Variants in TSC1 observed in about 807,000 individuals in gnomAD.
The protein encoded by TSC1 is hamartin.
A neutral mutation model predicts 124.3 loss-of-function variants in TSC1; 20 were observed. That is an observed-to-expected ratio of 0.16 (90% CI 0.11 to 0.23). The LOEUF (loss-of-function observed/expected upper bound fraction) is 0.23. Ranked by LOEUF, TSC1 falls within the 10% of genes least tolerant of loss-of-function variation. TSC1 has a pLI of 1.00. For synonymous variants in TSC1, 493 were observed against 539.1 expected (o/e 0.91, Z 1.19); for missense variants, 1,124 against 1,448.5 (o/e 0.78, Z 3.64).
At position 132,894,790 on chromosome 9, in the gene TSC1, G is replaced by T; in HGVS notation, c.*1445C>A. The T allele has an allele frequency of 4.6e-6, 1 of 218,734 alleles. No homozygotes were observed. Among genetic ancestry groups the T allele is most frequent in the Non-Finnish European group, 9.1e-6 (1 of 109,664 alleles). 13.5% of individuals were successfully genotyped at this position (218,734 alleles called of 1,614,324 possible). A position where few individuals can be genotyped will look rare whatever the true frequency, so the allele number is the denominator to read the frequency against. On this transcript the variant is annotated 3_prime_UTR_variant, in exon 23 of 23. Coordinates refer to ENST00000298552, the MANE Select transcript of TSC1 (RefSeq NM_000368.5). ...CCGTGACAGTTTTTTACCTCTTTAT[G>T]ACTGAATCCTTCTATTCTTTTTAAT...
At chr9:132,937,382 G>A (rs1278357067) in intron 1 of TSC1, among the ~76,000 whole-genome samples, 3 of 152,230 alleles carry the variant, frequency 2.0e-5, no homozygotes, top group African/African-American at 7.2e-5. Flanking sequence ...GGTGGAGGTT[G>A]CAATGAGTCG....
At chr9:132,943,071 T>C (rs922515741) in intron 1 of TSC1, among the ~76,000 whole-genome samples, 6 of 152,256 alleles carry the variant, frequency 3.9e-5, no homozygotes, top group African/African-American at 1.2e-4. Context: ...TAATGCTTCC[T>C]GAAATTTACA....
chr9:132,929,002 TA>T lies in TSC1; in HGVS notation c.-80-51del, dbSNP rs1227429293. 54 of 1,488,956 alleles carry T rather than the reference TA, an allele frequency of 3.6e-5. No homozygotes were observed. Among genetic ancestry groups the T allele is most frequent in the Admixed American group, 6.8e-5 (3 of 43,858 alleles). 92.2% of individuals were successfully genotyped at this position (1,488,956 alleles called of 1,614,324 possible). On this transcript the variant is annotated intron_variant, in intron 2 of 22. Coordinates refer to ENST00000298552, the MANE Select transcript of TSC1 (RefSeq NM_000368.5). ...CACTAAATGGCCCCATTTTTCTCCATAAAAAAAGAAAATACCTGCAAGACAA... is the reference window on the plus strand; with the variant it reads ...CACTAAATGGCCCCATTTTTCTCCATAAAAAAGAAAATACCTGCAAGACAA...
rs1194692079 is a variant in TSC1, at chr9:132,902,206, A to C, written c.2391+399T>G. Reference sequence around the variant, plus strand: ...AGGTCTGAGATACCATGCAGTGCCCAATAGGTGCACACGAGGCATTAGTAA... The same window carrying C: ...AGGTCTGAGATACCATGCAGTGCCCCATAGGTGCACACGAGGCATTAGTAA... On this transcript the variant is annotated intron_variant, in intron 18 of 22. Transcript: ENST00000298552. The surrounding 1 kb of genome is among the most constrained non-coding windows in gnomAD (Gnocchi z 5.2). Among the ~76,000 whole-genome samples, 1 of 152,252 alleles carries C rather than the reference A, an allele frequency of 6.6e-6. No homozygotes were observed. Among genetic ancestry groups the C allele is most frequent in the African/African-American group, 2.4e-5 (1 of 41,472 alleles).
At chr9:132,897,671 C>G in intron 20 of TSC1, 61 bp from the exon 21 acceptor site, 4 of 1,555,388 alleles carry the variant, frequency 2.6e-6, no homozygotes, top group Non-Finnish European at 3.4e-6. Context: ...CATGCTGTAT[C>G]CATTTTGAAA....
intron 18 of TSC1, 55 bp from the exon 19 acceptor site, chr9:132,901,754 A>T (rs1175561484): frequency 6.6e-7 from 1 of 1,508,776 alleles, no homozygotes; most frequent in East Asian, 2.3e-5. Flanking sequence ...GCCAGATCAC[A>T]GGCCTACCTA....
intron 8 of TSC1, among the ~76,000 whole-genome samples, chr9:132,914,703 CA>C (rs11334240): frequency 0.24 from 26,913 of 114,132 alleles, 2,515 homozygotes; most frequent in African/African-American, 0.28. Context: ...AAAAAAAATA[CA>C]AAAAAAAAAA....
rs2131972870 is a variant in TSC1, at chr9:132,911,455, G to T, written c.1027C>A (p.Gln343Lys). 3 of 1,608,060 alleles carry T rather than the reference G, an allele frequency of 1.9e-6. No homozygotes were observed. Among genetic ancestry groups the T allele is most frequent in the Non-Finnish European group, 2.6e-6 (3 of 1,174,656 alleles). The change falls in exon 10 of 23, where the codon CAA (glutamine) becomes AAA (lysine). Residue 343 changes from glutamine (Q) to lysine (K), a missense_variant and splice_region_variant. Gln to Lys is a moderately conservative substitution (Grantham distance 53, BLOSUM62 1). Around this residue, in one of 5 missense-constraint regions of TSC1, gnomAD observed 463 missense variants for 606.8 expected, o/e 0.76. Coordinates refer to ENST00000298552, the MANE Select transcript of TSC1 (RefSeq NM_000368.5). ...PSTRLITEPP[Q>K]ATLWSPSMVC... Reference sequence around the variant, plus strand: ...AGGCACACTAGTTGACACCATACTTGTGGTGGTTCAGTTATCAGCCGTGTC... The same window carrying T: ...AGGCACACTAGTTGACACCATACTTTTGGTGGTTCAGTTATCAGCCGTGTC...
chr9:132,931,655 T>A (rs1847210031), intron 2 of TSC1, among the ~76,000 whole-genome samples: 1 of 152,216 alleles, frequency 6.6e-6, no homozygotes, highest in Non-Finnish European at 1.5e-5. Context: ...AAAGCCCTCC[T>A]AAGAGTTAAA....
At chr9:132,908,778 AAAT>A (rs1845795289) in intron 12 of TSC1, among the ~76,000 whole-genome samples, 1 of 152,068 alleles carries the variant, frequency 6.6e-6, no homozygotes, top group South Asian at 2.1e-4. Context: ...CAGACTTTTC[AAAT>A]AATCATCTTT....
chr9:132,896,559 G>A lies in TSC1; in HGVS notation c.3171C>T (p.Gly1057=), dbSNP rs2131603867. 6.2e-7 allele frequency: 1 copy of A among 1,614,188 alleles called. No individual in the cohort carries two copies. Among genetic ancestry groups the A allele is most frequent in the South Asian group, 1.1e-5 (1 of 91,078 alleles). The change falls in exon 23 of 23, where the codon GGC becomes GGT. Residue 1057 remains glycine, a synonymous_variant. Transcript: ENST00000298552. The surrounding 1 kb of genome is among the most constrained non-coding windows in gnomAD (Gnocchi z 4.5). ...TPEKPPHQRA[G]PFSSRWETTM... is the part of the protein sequence containing the mutation. Reference sequence around the variant, plus strand: ...TCGTCTCCCACCGACTGCTGAATGGGCCTGCCCTCTGGTGTGGGGGTTTCT... The same window carrying A: ...TCGTCTCCCACCGACTGCTGAATGGACCTGCCCTCTGGTGTGGGGGTTTCT...
chr9:132,912,654 A>T (rs1336366611), intron 8 of TSC1, 197 bp from the exon 9 acceptor site: 5 of 623,516 alleles, frequency 8.0e-6, no homozygotes, highest in Admixed American at 2.7e-5. Flanking sequence ...CCTGTTTAAA[A>T]TGGTTATATC....
chr9:132,902,046 T>C lies in TSC1; in HGVS notation c.2392-347A>G, dbSNP rs955936642. On this transcript the variant is annotated intron_variant, in intron 18 of 22. Transcript: ENST00000298552. The surrounding 1 kb of genome is among the most constrained non-coding windows in gnomAD (Gnocchi z 5.2). ...GTTGGACACTCTGTGAATTACTAAC[T>C]GGCTGGAAATGATGCTGTGTCTGTG... 7.6e-6 allele frequency: 2 copies of C among 263,858 alleles called. No individual in the cohort carries two copies. The highest frequency in any genetic ancestry group is 1.5e-5 in the Non-Finnish European group (2 of 136,688). 16.3% of individuals were successfully genotyped at this position (263,858 alleles called of 1,614,324 possible).
intron 15 of TSC1, among the ~76,000 whole-genome samples, chr9:132,905,272 T>A (rs920857050): frequency 6.6e-6 from 1 of 152,236 alleles, no homozygotes; most frequent in African/African-American, 2.4e-5. Context: ...ATTTTCAGCC[T>A]ACAGCTTGCA....
chr9:132,927,194 C>A lies in TSC1; in HGVS notation c.210+7G>T, dbSNP rs2132264554. 6.2e-7 allele frequency: 1 copy of A among 1,613,236 alleles called. No homozygotes were observed. Among genetic ancestry groups the A allele is most frequent in the Non-Finnish European group, 8.5e-7 (1 of 1,179,400 alleles). ...ATATGAAATGCCTATGATATTTCAGCCATTACCTTGTCATGTGGCTCTTGC... is the reference window on the plus strand; with the variant it reads ...ATATGAAATGCCTATGATATTTCAGACATTACCTTGTCATGTGGCTCTTGC... On this transcript the variant is annotated splice_region_variant and intron_variant, in intron 4 of 22. Coordinates refer to ENST00000298552, the MANE Select transcript of TSC1 (RefSeq NM_000368.5).
chr9:132,904,571 A>G, intron 15 of TSC1, 117 bp from the exon 16 acceptor site: 1 of 1,009,472 alleles, frequency 9.9e-7, no homozygotes, highest in Non-Finnish European at 1.5e-6. Context: ...CTGCAATGGC[A>G]TAAGAATGTT....
At chr9:132,907,498 T>C (rs1300552427) in intron 12 of TSC1, 128 bp from the exon 13 acceptor site, 1 of 747,642 alleles carries the variant, frequency 1.3e-6, no homozygotes, top group East Asian at 3.0e-5. Context: ...TTTTCTTTTC[T>C]TTTTTTTTGA....
chr9:132,896,864 C>A lies in TSC1; in HGVS notation c.2976-110G>T. 6.5e-7 allele frequency: 1 copy of A among 1,528,490 alleles called. No individual in the cohort carries two copies. Among genetic ancestry groups the A allele is most frequent in the African/African-American group, 1.4e-5 (1 of 73,410 alleles). 94.7% of individuals were successfully genotyped at this position (1,528,490 alleles called of 1,614,324 possible). Reference sequence around the variant, plus strand: ...CACACTGACACTGAACTCCGCTAGCCCACTCTCTGTTTTATAATACTGGAC... The same window carrying A: ...CACACTGACACTGAACTCCGCTAGCACACTCTCTGTTTTATAATACTGGAC... On this transcript the variant is annotated intron_variant, in intron 22 of 22. Transcript: ENST00000298552. This position sits in a 1 kb window ranked among gnomAD's most constrained non-coding sequence, Gnocchi z 4.5.
chr9:132,905,010 A>G (rs1266938896), intron 15 of TSC1, among the ~76,000 whole-genome samples: 2 of 152,212 alleles, frequency 1.3e-5, no homozygotes, highest in Admixed American at 1.3e-4. Flanking sequence ...ATATTCCCCA[A>G]GCACCTGTAA....
Sources: allele counts gnomAD v4.1 joint callset (sites outside exome capture counted in the v4.1 genomes callset), GRCh38; gene constraint gnomAD v4.1.1; regional missense constraint gnomAD v4.1.1; non-coding constraint Gnocchi (gnomAD v3.1); transcripts MANE v1.5; gene names NCBI Gene and HGNC (gene_info 2026-07-23, HGNC 2026-07-21).